The following XDH variants were observed in gnomAD, a reference collection of about 807,000 sequenced individuals.
XDH encodes xanthine dehydrogenase, also known as xanthine dehydrogenase/oxidase.
Under a neutral mutation model 156.1 loss-of-function variants are expected in XDH, and 138 were observed. That is an observed-to-expected ratio of 0.88 (90% CI 0.77 to 1.02). The LOEUF is 1.02. Ranked by LOEUF, XDH falls within the 50% of genes least tolerant of loss-of-function variation. The probability of loss-of-function intolerance (pLI) is 0.00; values close to 1 mark genes in which losing one functional copy is unlikely to be tolerated. For synonymous variants in XDH, 669 were observed against 625.7 expected, an observed-to-expected ratio of 1.07 and a Z score of -1.03; for missense variants, 1,849 against 1,684.9, an observed-to-expected ratio of 1.10 and a Z score of -1.71.
At chr2:31,399,734 G>T (rs564990472) in intron 4 of XDH, among the ~76,000 whole-genome samples, 4 of 152,256 alleles carry the variant, frequency 2.6e-5, no homozygotes, top group Non-Finnish European at 5.9e-5. Context: ...AATCTGAAGG[G>T]TTTCTGTTTT....
intron 24 of XDH, among the ~76,000 whole-genome samples, chr2:31,357,741 T>A (rs1454870492): frequency 1.3e-5 from 2 of 151,926 alleles, no homozygotes; most frequent in African/African-American, 4.8e-5. Context: ...AAATGATAAA[T>A]TCTTGAGGTG....
rs150262349 is a variant in XDH at position 31,375,487 on chromosome 2, C to T, written c.1495G>A (p.Asp499Asn). ...AAGTCCACCATGCCACCAGGGGCAT[C>T]GGGAGGCAGATGCAGCTCCTCTGCC... ...GLAEELHLPP[D>N]APGGMVDFRC... is the part of the protein sequence containing the mutation. The change falls in exon 15 of 36, where the codon GAT (aspartate) becomes AAT (asparagine). Residue 499 changes from aspartate to asparagine, a missense_variant. Asp to Asn is a conservative substitution (Grantham distance 23). Transcript: ENST00000379416. The T allele has an allele frequency of 4.6e-5, 75 of 1,614,044 alleles. 1 individual carries two copies. The highest frequency in any genetic ancestry group is 2.3e-4 in the South Asian group (21 of 91,082).
At chr2:31,397,254 G>A (rs912274379) in intron 6 of XDH, among the ~76,000 whole-genome samples, 1 of 152,198 alleles carries the variant, frequency 6.6e-6, no homozygotes. Context: ...ACAGAAAGCA[G>A]CCAGGAGAGG....
intron 16 of XDH, among the ~76,000 whole-genome samples, 189 bp from the exon 17 acceptor site, chr2:31,372,586 T>C (rs1333772812): frequency 6.6e-6 from 1 of 152,238 alleles, no homozygotes; most frequent in Non-Finnish European, 1.5e-5. Context: ...GTCCTAGTGT[T>C]GTTATATAAA....
Position 31,372,110 on chromosome 2 carries a change from T to C in XDH, c.1856+118A>G, listed in dbSNP as rs1460530014. 5 of 1,487,522 alleles carry C rather than the reference T, an allele frequency of 3.4e-6. No individual in the cohort carries two copies. In the Admixed American group the frequency reaches 5.0e-5, roughly 15 times the overall value. The allele number at this position is 1,487,522 out of a possible 1,614,324, so 92.1% of individuals were successfully genotyped here. On this transcript the variant is annotated intron_variant, in intron 17 of 35. Transcript: ENST00000379416. ...CCCCTCTCTCTAGCCTGGGAGGTCC[T>C]GGAGGCACCTCATTATCTTTGCATC...
intron 1 of XDH, among the ~76,000 whole-genome samples, chr2:31,410,082 T>C (rs1170208179): frequency 6.6e-6 from 1 of 152,196 alleles, no homozygotes; most frequent in Non-Finnish European, 1.5e-5. Flanking sequence ...TTTTGACATA[T>C]GCTACAACAT....
In XDH at chr2:31,344,745, A is replaced by G. The variant is rs1216637799; in HGVS notation, c.3352-9T>C. ...ATGTAGGCAGCTGTGACCTGAGGAG[A>G]GGAGATGGCCATCAGGCAGGTGAAG... On this transcript the variant is annotated splice_polypyrimidine_tract_variant and intron_variant, in intron 30 of 35. Transcript: ENST00000379416. 2 of 1,613,998 alleles carry G rather than the reference A, an allele frequency of 1.2e-6. No individual in the cohort carries two copies. The highest frequency in any genetic ancestry group is 1.7e-6 in the Non-Finnish European group (2 of 1,180,042).
At position 31,372,275 on chromosome 2, in the gene XDH, C is replaced by T. The variant is rs1686093580; in HGVS notation, c.1809G>A (p.Glu603=). Residue 603 remains glutamate, a synonymous_variant, in exon 17 of 36, where the codon GAG becomes GAA. Coordinates refer to ENST00000379416, the MANE Select transcript of XDH (RefSeq NM_000379.4). ...YCDDIPRYEN[E]LSLRLVTSTR... ...TGCTGGTGACCAGCCGGAGAGACAGCTCATTCTCGTAGCGAGGAATGTCGT... is the reference window on the plus strand; with the variant it reads ...TGCTGGTGACCAGCCGGAGAGACAGTTCATTCTCGTAGCGAGGAATGTCGT... 1 of 1,614,260 alleles carries T rather than the reference C, an allele frequency of 6.2e-7. No homozygotes were observed. Among genetic ancestry groups the T allele is most frequent in the Non-Finnish European group, 8.5e-7 (1 of 1,180,050 alleles).
chr2:31,342,899 G>A (rs1188952333), intron 31 of XDH, among the ~76,000 whole-genome samples: 1 of 152,104 alleles, frequency 6.6e-6, no homozygotes, highest in Non-Finnish European at 1.5e-5. Context: ...TCAATCTGGA[G>A]TACCTTATAC....
At chr2:31,379,844 T>C (rs1325782529) in intron 13 of XDH, 23 bp downstream of exon 13, 1 of 1,611,008 alleles carries the variant, frequency 6.2e-7, no homozygotes, top group Non-Finnish European at 8.5e-7. Context: ...GAGCAGAGCC[T>C]GGAACCACTT....
chr2:31,338,714 CTTTTTTTTTT>C (rs57389753), intron 34 of XDH, among the ~76,000 whole-genome samples: 2 of 62,150 alleles, frequency 3.2e-5, no homozygotes, highest in South Asian at 8.5e-4. Flanking sequence ...CTGACCAAGT[CTTTTTTTTTT>C]TTTTTTTTTT....
chr2:31,337,260 AT>A (rs1684991032), intron 35 of XDH, among the ~76,000 whole-genome samples: 1 of 151,916 alleles, frequency 6.6e-6, no homozygotes, highest in African/African-American at 2.4e-5. Context: ...CCCAATATTC[AT>A]ACAGTGTCCT....
intron 17 of XDH, 99 bp from the exon 18 acceptor site, chr2:31,370,577 T>A: frequency 6.7e-7 from 1 of 1,484,920 alleles, no homozygotes; most frequent in Non-Finnish European, 9.3e-7. Context: ...TTGGCTTGGC[T>A]CCATCCTAAT....
At chr2:31,410,827 G>C (rs1687322088) in intron 1 of XDH, among the ~76,000 whole-genome samples, 1 of 152,204 alleles carries the variant, frequency 6.6e-6, no homozygotes. Flanking sequence ...GGAGACTAAA[G>C]ACATGGCAAC....
chr2:31,411,789 T>G (rs1263288024), intron 1 of XDH, among the ~76,000 whole-genome samples: 1 of 152,232 alleles, frequency 6.6e-6, no homozygotes, highest in African/African-American at 2.4e-5. Context: ...CAGAAGGTAT[T>G]ACTTTGTCTA....
intron 24 of XDH, among the ~76,000 whole-genome samples, chr2:31,361,136 T>G (rs905139334): frequency 2.6e-5 from 4 of 152,226 alleles, no homozygotes; most frequent in African/African-American, 9.6e-5. Flanking sequence ...TTAAGACATA[T>G]TTTTAGGTCA....
At chr2:31,374,670 CT>C (rs1686177582) in intron 15 of XDH, among the ~76,000 whole-genome samples, 1 of 152,208 alleles carries the variant, frequency 6.6e-6, no homozygotes, top group African/African-American at 2.4e-5. Flanking sequence ...GGATTTATCT[CT>C]GCTGTCCCTG....
chr2:31,386,276 T>C (rs1686589932), intron 9 of XDH, 138 bp downstream of exon 9: 1 of 1,187,918 alleles, frequency 8.4e-7, no homozygotes, highest in Non-Finnish European at 1.2e-6. Flanking sequence ...GGATTTCCAG[T>C]GGGCTCCAGG....
rs894947981 is a variant in XDH, at chr2:31,388,119, C to A, written c.564+108G>T. 3 of 1,305,888 alleles carry A rather than the reference C, an allele frequency of 2.3e-6. No homozygotes were observed. In the African/African-American group the frequency reaches 4.4e-5, roughly 19 times the overall value. 80.9% of individuals were successfully genotyped at this position (1,305,888 alleles called of 1,614,324 possible). A position where few individuals can be genotyped will look rare whatever the true frequency, so the allele number is the denominator to read the frequency against. ...CCACAGTCTGCCATCACCGACTCAC[C>A]GTAGGTTCCTCTTCCAGCCCCCACC... On this transcript the variant is annotated intron_variant, in intron 7 of 35. Transcript: ENST00000379416.
Sources: allele counts gnomAD v4.1 joint callset (sites outside exome capture counted in the v4.1 genomes callset), GRCh38; gene constraint gnomAD v4.1.1; transcripts MANE v1.5; gene names NCBI Gene and HGNC (gene_info 2026-07-23, HGNC 2026-07-21).